The following MATN2 variants were observed in gnomAD, a reference collection of about 807,000 sequenced individuals.
The protein encoded by MATN2 is matrilin 2.
MATN2 carries 69 observed loss-of-function variants against 103.2 expected under a neutral mutation model. That is an observed-to-expected ratio of 0.67 (90% CI 0.55 to 0.82). The LOEUF is 0.82. Ranked by LOEUF, MATN2 falls within the 40% of genes least tolerant of loss-of-function variation. MATN2 has a pLI of 0.00. For missense variants in MATN2, 1,023 were observed against 1,211.5 expected (o/e 0.84, Z 2.31); for synonymous variants, 429 against 450.2 (o/e 0.95, Z 0.60).
intron 5 of MATN2, among the ~76,000 whole-genome samples, chr8:97,964,005 A>C (rs141847230): frequency 6.6e-6 from 1 of 152,292 alleles, no homozygotes; most frequent in East Asian, 1.9e-4. Flanking sequence ...AGACATCCTA[A>C]TGGCTAGGCT....
At position 98,007,519 on chromosome 8, in the gene MATN2, C is replaced by T; in HGVS notation, c.1491C>T (p.Tyr497=). ...YCLLSDHGCE[Y]SCVNMDRSFA... is the part of the protein sequence containing the mutation. The stretch of plus-strand genomic sequence containing the variant: ...TGCTGAGTGACCATGGTTGTGAATA[C>T]TCCTGTGTCAACATGGACAGATCCT... The change falls in exon 10 of 19, where the codon TAC becomes TAT. Residue 497 remains tyrosine, a synonymous_variant. Coordinates refer to ENST00000254898, the MANE Select transcript of MATN2 (RefSeq NM_002380.5). The surrounding 1 kb of genome is among the most constrained non-coding windows in gnomAD (Gnocchi z 4.2). The T allele has an allele frequency of 6.2e-7, 1 of 1,613,610 alleles. No homozygotes were observed. The highest frequency in any genetic ancestry group is 8.5e-7 in the Non-Finnish European group (1 of 1,179,554).
chr8:97,937,654 C>T (rs1201371586), intron 3 of MATN2, among the ~76,000 whole-genome samples: 1 of 143,070 alleles, frequency 7.0e-6, no homozygotes. Context: ...AGTGGCACGA[C>T]CTCAGCTCAC....
intron 4 of MATN2, among the ~76,000 whole-genome samples, chr8:97,945,304 G>C (rs1387206697): frequency 1.3e-5 from 2 of 152,068 alleles, no homozygotes; most frequent in Non-Finnish European, 2.9e-5. Flanking sequence ...CTTAAAGTGG[G>C]TTTTATCACT....
chr8:97,913,295 T>C lies in MATN2; in HGVS notation c.143-17658T>C, dbSNP rs10108176. Among the ~76,000 whole-genome samples the C allele has an allele frequency of 5.9e-4, 90 of 151,598 alleles. No homozygotes were observed. In the South Asian group the frequency reaches 0.018, roughly 31 times the overall value. On this transcript the variant is annotated intron_variant, in intron 2 of 18. Coordinates refer to ENST00000254898, the MANE Select transcript of MATN2 (RefSeq NM_002380.5). ...GTTGGGAGTTCATGCCAAGTGCCAA[T>C]GGACATGGACAGCAATCGATTTTTT...
intron 14 of MATN2, among the ~76,000 whole-genome samples, chr8:98,030,123 C>T (rs1259279940): frequency 6.6e-6 from 1 of 152,120 alleles, no homozygotes; most frequent in East Asian, 1.9e-4. Context: ...GAAGAGATTC[C>T]CATTTAGCAA....
intron 2 of MATN2, among the ~76,000 whole-genome samples, chr8:97,915,272 G>A (rs1446884702): frequency 6.6e-6 from 1 of 152,108 alleles, no homozygotes; most frequent in Non-Finnish European, 1.5e-5. Context: ...GACTATAGGT[G>A]TGAGCCATCG....
At chr8:97,946,509 G>T (rs958724892) in intron 4 of MATN2, among the ~76,000 whole-genome samples, 1 of 152,042 alleles carries the variant, frequency 6.6e-6, no homozygotes, top group African/African-American at 2.4e-5. Context: ...AAAAAATGGG[G>T]GGAAAGAAAA....
At chr8:98,035,098 C>G (rs1264615461) in intron 18 of MATN2, among the ~76,000 whole-genome samples, 1 of 152,094 alleles carries the variant, frequency 6.6e-6, no homozygotes, top group Non-Finnish European at 1.5e-5. Context: ...TGGCTCACGT[C>G]TGTAATCCCA....
intron 7 of MATN2, among the ~76,000 whole-genome samples, chr8:98,000,454 G>T (rs1217203684): frequency 2.0e-5 from 3 of 151,664 alleles, no homozygotes; most frequent in South Asian, 2.1e-4. Flanking sequence ...AAAATTAGCC[G>T]GGTGTGGTAG....
intron 2 of MATN2, among the ~76,000 whole-genome samples, chr8:97,911,754 G>A (rs1309354455): frequency 6.6e-6 from 1 of 152,126 alleles, no homozygotes; most frequent in East Asian, 1.9e-4. Context: ...GTGTCACCTA[G>A]CTGGTAGCAG....
chr8:97,888,168 C>T lies in MATN2; in HGVS notation c.68C>T (p.Ala23Val). 6.2e-7 allele frequency: 1 copy of T among 1,608,796 alleles called. No homozygotes were observed. The highest frequency in any genetic ancestry group is 8.5e-7 in the Non-Finnish European group (1 of 1,177,352). Residue 23 changes from alanine (A) to valine (V), a missense_variant, in exon 2 of 19, where the codon GCC becomes GTC. Ala to Val is a moderately conservative substitution (Grantham distance 64). Transcript: ENST00000254898. ...CAGATCGTCCTCCTCCCTGCCGAGG[C>T]CAGGGAGCGGTCACGTGGGAGGTCC... ...LGQIVLLPAEARERSRGRSIS... is the reference protein window; with the variant it reads ...LGQIVLLPAEVRERSRGRSIS...
At chr8:97,885,012 T>A (rs548301659) in intron 1 of MATN2, among the ~76,000 whole-genome samples, 1 of 152,348 alleles carries the variant, frequency 6.6e-6, no homozygotes, top group East Asian at 1.9e-4. Context: ...TATTTTTAAC[T>A]CCTCACTCTT....
intron 13 of MATN2, 124 bp downstream of exon 13, chr8:98,021,451 A>C: frequency 1.9e-6 from 2 of 1,067,692 alleles, no homozygotes; most frequent in Non-Finnish European, 2.7e-6. Flanking sequence ...ATATGCACAA[A>C]TACAGAATGG....
intron 1 of MATN2, among the ~76,000 whole-genome samples, chr8:97,878,545 C>CAAA (rs769329845): frequency 7.7e-6 from 1 of 129,858 alleles, no homozygotes; most frequent in Admixed American, 7.9e-5. Context: ...GACTCTGTCT[C>CAAA]AAAAAAAAAA....
chr8:97,914,461 C>T (rs982683724), intron 2 of MATN2, among the ~76,000 whole-genome samples: 1 of 144,076 alleles, frequency 6.9e-6, no homozygotes, highest in Non-Finnish European at 1.5e-5. Context: ...TCCTCACCCT[C>T]CAGGGCTCAA....
chr8:97,939,013 G>A (rs375942163), intron 3 of MATN2, among the ~76,000 whole-genome samples: 103 of 151,948 alleles, frequency 6.8e-4, no homozygotes, highest in African/African-American at 2.1e-3. Context: ...GGGATTACAG[G>A]CACCTGCCAC....
At chr8:97,874,641 C>T (rs1213720808) in intron 1 of MATN2, among the ~76,000 whole-genome samples, 1 of 151,938 alleles carries the variant, frequency 6.6e-6, no homozygotes, top group East Asian at 1.9e-4. Context: ...TCTTCGACTC[C>T]TGGGCTCAAG....
intron 1 of MATN2, among the ~76,000 whole-genome samples, chr8:97,876,021 C>G (rs1451849767): frequency 6.8e-6 from 1 of 146,142 alleles, no homozygotes; most frequent in Non-Finnish European, 1.5e-5. Context: ...TTTAAGCAAA[C>G]TTCTCTTTTT....
At chr8:98,012,042 T>C (rs1000108863) in intron 10 of MATN2, among the ~76,000 whole-genome samples, 2 of 152,232 alleles carry the variant, frequency 1.3e-5, no homozygotes, top group African/African-American at 4.8e-5. Flanking sequence ...AAAAATGTTT[T>C]CTTTCTCCCT....
Sources: allele counts gnomAD v4.1 joint callset (sites outside exome capture counted in the v4.1 genomes callset), GRCh38; gene constraint gnomAD v4.1.1; non-coding constraint Gnocchi (gnomAD v3.1); transcripts MANE v1.5; gene names NCBI Gene and HGNC (gene_info 2026-07-23, HGNC 2026-07-21).